Variants in RANGAP1 observed in about 807,000 individuals in gnomAD.
RANGAP1 encodes ran GTPase-activating protein 1.
A neutral mutation model predicts 63.5 loss-of-function variants in RANGAP1; 38 were observed. The ratio of observed to expected loss-of-function variants is 0.60; its 90% CI spans 0.46 to 0.78. The LOEUF is 0.78. Ranked by LOEUF, RANGAP1 falls within the 30% of genes least tolerant of loss-of-function variation. The pLI is 0.00. For synonymous variants in RANGAP1, 329 were observed against 310.5 expected (o/e 1.06, Z -0.63); for missense variants, 630 against 740.3 (o/e 0.85, Z 1.73).
chr22:41,260,744 G>T (rs2034118546), intron 6 of RANGAP1, among the ~76,000 whole-genome samples: 1 of 152,174 alleles, frequency 6.6e-6, no homozygotes, highest in South Asian at 2.1e-4. Context: ...CTACTCGGGA[G>T]GCTGAGGCAG....
intron 13 of RANGAP1, 45 bp downstream of exon 13, chr22:41,250,962 C>A: frequency 6.7e-7 from 1 of 1,496,126 alleles, no homozygotes. Context: ...GGCCCACGAG[C>A]ATCAAGGGAC....
chr22:41,295,080 G>A, the RANGAP1 span, among the ~76,000 whole-genome samples: 1 of 145,584 alleles, frequency 6.9e-6, no homozygotes, highest in African/African-American at 2.7e-5. Context: ...GAGGTGGGGG[G>A]GTCAGCCCCC....
intron 9 of RANGAP1, 41 bp from the exon 10 acceptor site, chr22:41,256,146 G>A (rs1439762142): frequency 6.2e-7 from 1 of 1,613,688 alleles, no homozygotes; most frequent in African/African-American, 1.3e-5. Context: ...GGGGTGCCAG[G>A]GCCAGCCTAG....
chr22:41,249,572 G>A, intron 14 of RANGAP1, 121 bp from the exon 15 acceptor site: 1 of 1,543,750 alleles, frequency 6.5e-7, no homozygotes, highest in South Asian at 1.2e-5. Flanking sequence ...ATCTCATCGT[G>A]AAGACCAAGG....
chr22:41,292,546 C>A, the RANGAP1 span, among the ~76,000 whole-genome samples: 2 of 151,690 alleles, frequency 1.3e-5, no homozygotes, highest in South Asian at 4.2e-4. Context: ...GGATCACGAG[C>A]TCAGGATTTT....
intron 14 of RANGAP1, 74 bp from the exon 15 acceptor site, chr22:41,249,525 ACT>A: frequency 5.0e-6 from 8 of 1,597,388 alleles, no homozygotes; most frequent in Non-Finnish European, 6.8e-6. Context: ...CACCATCCAG[ACT>A]CTGCTGATAG....
Position 41,285,143 on chromosome 22 carries a change from G to A in RANGAP1, c.-39+843C>T, listed in dbSNP as rs574395210. Reference sequence around the variant, plus strand: ...CTACACTCCAGCCTGGGTGACAGAAGGAGACCGTCTCTAAAAAGATAAAAA... The same window carrying A: ...CTACACTCCAGCCTGGGTGACAGAAAGAGACCGTCTCTAAAAAGATAAAAA... On this transcript the variant is annotated intron_variant, in intron 1 of 15. Coordinates refer to ENST00000356244, the MANE Select transcript of RANGAP1 (RefSeq NM_002883.4). 3 of 152,204 alleles carry A rather than the reference G, an allele frequency of 2.0e-5. No individual in the cohort carries two copies. In the South Asian group the frequency reaches 6.2e-4, roughly 32 times the overall value. 9.4% of individuals were successfully genotyped at this position (152,204 alleles called of 1,614,324 possible).
In RANGAP1 at chr22:41,246,548, CCGAGT is replaced by C; in HGVS notation, c.*50_*54del. ...TGGCGTAGGCTGCGCCTCAGTTCAT[CCGAGT>C]CCCTCCCCAGCTCACTGGTCCAGGC... On this transcript the variant is annotated 3_prime_UTR_variant, in exon 16 of 16. Transcript: ENST00000356244. 6.8e-7 allele frequency: 1 copy of C among 1,476,496 alleles called. No individual in the cohort carries two copies. Among genetic ancestry groups the C allele is most frequent in the South Asian group, 1.2e-5 (1 of 82,398 alleles). 91.5% of individuals were successfully genotyped at this position (1,476,496 alleles called of 1,614,324 possible).
Position 41,245,138 on chromosome 22 carries a change from G to C in RANGAP1, c.*1465C>G, listed in dbSNP as rs567230951. Among the ~76,000 whole-genome samples, 1 of 152,234 alleles carries C rather than the reference G, an allele frequency of 6.6e-6. No homozygotes were observed. Among genetic ancestry groups the C allele is most frequent in the Non-Finnish European group, 1.5e-5 (1 of 68,038 alleles). On this transcript the variant is annotated 3_prime_UTR_variant, in exon 16 of 16. Transcript: ENST00000356244. ...ACACAGAAGACAGGGGACAGGGCCA[G>C]CAGTATCCTCTGCCACCTGGTCACC...
intron 3 of RANGAP1, among the ~76,000 whole-genome samples, chr22:41,273,139 G>T (rs1488888634): frequency 6.6e-6 from 1 of 152,076 alleles, no homozygotes; most frequent in Non-Finnish European, 1.5e-5. Flanking sequence ...CAGTTCCCTT[G>T]ACTTATAAAT....
intron 10 of RANGAP1, 150 bp downstream of exon 10, chr22:41,255,871 T>C: frequency 1.3e-6 from 1 of 762,166 alleles, no homozygotes; most frequent in South Asian, 1.7e-5. Flanking sequence ...GGGGAATCAC[T>C]TGAACCCAGG....
intron 12 of RANGAP1, among the ~76,000 whole-genome samples, chr22:41,252,455 C>A (rs2033524784): frequency 6.6e-6 from 1 of 152,110 alleles, no homozygotes; most frequent in African/African-American, 2.4e-5. Flanking sequence ...AATGAATGAG[C>A]CAACCAACAA....
intron 11 of RANGAP1, 92 bp downstream of exon 11, chr22:41,254,216 A>T: frequency 7.0e-7 from 1 of 1,427,488 alleles, no homozygotes; most frequent in Non-Finnish European, 9.7e-7. Flanking sequence ...TACTGTGCTT[A>T]AGGAGACACC....
Position 41,249,749 on chromosome 22 carries a change from C to A in RANGAP1, c.1552G>T (p.Val518Leu). 1 of 1,613,854 alleles carries A rather than the reference C, an allele frequency of 6.2e-7. No individual in the cohort carries two copies. The highest frequency in any genetic ancestry group is 8.5e-7 in the Non-Finnish European group (1 of 1,179,756). The change falls in exon 14 of 16, where the codon GTG (valine) becomes TTG (leucine). Residue 518 changes from valine (V) to leucine (L), a missense_variant. Val to Leu is a conservative substitution (Grantham distance 32). Transcript: ENST00000356244. ...NSNTFLTRLL[V>L]HMGLLKSEDK... ...CTCACCTTGAGCAGACCCATGTGCACGAGCAGCCTGGTGAGGAAGGTGTTG... is the reference window on the plus strand; with the variant it reads ...CTCACCTTGAGCAGACCCATGTGCAAGAGCAGCCTGGTGAGGAAGGTGTTG...
intron 3 of RANGAP1, among the ~76,000 whole-genome samples, chr22:41,271,468 G>A (rs895359095): frequency 2.6e-5 from 4 of 151,614 alleles, no homozygotes; most frequent in South Asian, 2.1e-4. Flanking sequence ...AGGCCGAGGC[G>A]GGCGGATCAC....
In RANGAP1 at chr22:41,249,759, G is replaced by C. The variant is rs868747458; in HGVS notation, c.1542C>G (p.Thr514=). Residue 514 remains threonine, a synonymous_variant, in exon 14 of 16, where the codon ACC becomes ACG. Transcript: ENST00000356244. The part of the protein sequence containing the change: ...SSSFNSNTFL[T]RLLVHMGLLK... ...GCAGACCCATGTGCACGAGCAGCCTGGTGAGGAAGGTGTTGGAGTTGAAGG... is the reference window on the plus strand; with the variant it reads ...GCAGACCCATGTGCACGAGCAGCCTCGTGAGGAAGGTGTTGGAGTTGAAGG... 2 of 1,614,002 alleles carry C rather than the reference G, an allele frequency of 1.2e-6. No homozygotes were observed. Among genetic ancestry groups the C allele is most frequent in the East Asian group, 2.2e-5 (1 of 44,880 alleles).
intron 5 of RANGAP1, among the ~76,000 whole-genome samples, chr22:41,262,445 G>A (rs1024049534): frequency 6.6e-6 from 1 of 152,158 alleles, no homozygotes; most frequent in Admixed American, 6.5e-5. Context: ...ACACCAGCCT[G>A]GGAGGCAGGC....
At chr22:41,294,897 C>A in the RANGAP1 span, among the ~76,000 whole-genome samples, 1 of 83,140 alleles carries the variant, frequency 1.2e-5, no homozygotes. Context: ...GTGAGCCCCC[C>A]GCCCGGCCAG....
Position 41,285,603 on chromosome 22 carries a change from G to C in RANGAP1, c.-39+383C>G, listed in dbSNP as rs998425114. ...CCCCGCGGGCGTGGGCCTGCTGGGA[G>C]GTGGCTCTGCGGGAGCGACGCGCGA... On this transcript the variant is annotated intron_variant, in intron 1 of 15. Coordinates refer to ENST00000356244, the MANE Select transcript of RANGAP1 (RefSeq NM_002883.4). 2.0e-5 allele frequency: 20 copies of C among 985,312 alleles called. No individual in the cohort carries two copies. In the African/African-American group the frequency reaches 2.8e-4, roughly 14 times the overall value. The allele number at this position is 985,312 out of a possible 1,614,324, so 61.0% of individuals were successfully genotyped here. A position where few individuals can be genotyped will look rare whatever the true frequency, so the allele number is the denominator to read the frequency against.
Sources: allele counts gnomAD v4.1 joint callset (sites outside exome capture counted in the v4.1 genomes callset), GRCh38; gene constraint gnomAD v4.1.1; transcripts MANE v1.5; gene names NCBI Gene and HGNC (gene_info 2026-07-23, HGNC 2026-07-21).